Variants in SGCZ observed in about 807,000 individuals in gnomAD.
SGCZ encodes zeta-sarcoglycan.
In SGCZ, 40 loss-of-function variants were observed where a neutral mutation model predicts 41.3. The ratio of observed to expected loss-of-function variants is 0.97; its 90% CI spans 0.75 to 1.26. The LOEUF is 1.26. Ranked by LOEUF, SGCZ falls within the 50% of genes most tolerant of loss-of-function variation. The pLI is 0.00. For synonymous variants in SGCZ, 206 were observed against 137.5 expected, an observed-to-expected ratio of 1.50 and a Z score of -3.49; for missense variants, 552 against 369.8, an observed-to-expected ratio of 1.49 and a Z score of -4.04.
At position 15,229,100 on chromosome 8, in the gene SGCZ, G is replaced by A. The variant is rs538845713; in HGVS notation, c.39+8485C>T. Among the ~76,000 whole-genome samples, 28 of 152,242 alleles carry A rather than the reference G, an allele frequency of 1.8e-4. No homozygotes were observed. In the South Asian group the frequency reaches 3.3e-3, roughly 18 times the overall value. On this transcript the variant is annotated intron_variant, in intron 1 of 7. Coordinates refer to ENST00000382080, the MANE Select transcript of SGCZ (RefSeq NM_139167.4). ...CCAGCTATTCAGGAGGCTGAGGTGG[G>A]AGAATCGCTTGAACCCAGGAGGCAG...
chr8:14,707,227 C>A (rs1165857938), intron 1 of SGCZ, among the ~76,000 whole-genome samples: 1 of 132,954 alleles, frequency 7.5e-6, no homozygotes, highest in African/African-American at 2.7e-5. Flanking sequence ...TGTTCCCCTT[C>A]CTGTGTCCAT....
intron 1 of SGCZ, among the ~76,000 whole-genome samples, chr8:14,730,513 TA>T (rs1810202371): frequency 6.6e-6 from 1 of 152,070 alleles, no homozygotes; most frequent in African/African-American, 2.4e-5. Context: ...TATATTACAA[TA>T]CGTGACAATG....
At chr8:15,030,324 A>G (rs1004774681) in intron 1 of SGCZ, among the ~76,000 whole-genome samples, 4 of 152,174 alleles carry the variant, frequency 2.6e-5, no homozygotes, top group Non-Finnish European at 5.9e-5. Flanking sequence ...AAATCTTTCT[A>G]TTCTAATATG....
At chr8:15,074,664 T>G (rs978106992) in intron 1 of SGCZ, among the ~76,000 whole-genome samples, 6 of 152,122 alleles carry the variant, frequency 3.9e-5, no homozygotes, top group Admixed American at 2.0e-4. Flanking sequence ...TCTGCAGTCA[T>G]AGAGAAATGC....
At chr8:14,205,822 G>T (rs985185451) in intron 4 of SGCZ, among the ~76,000 whole-genome samples, 1 of 152,010 alleles carries the variant, frequency 6.6e-6, no homozygotes, top group Non-Finnish European at 1.5e-5. Flanking sequence ...GATGCACTGA[G>T]ATTTATAGTC....
intron 2 of SGCZ, among the ~76,000 whole-genome samples, chr8:14,338,431 C>T (rs1162721738): frequency 6.6e-6 from 1 of 152,132 alleles, no homozygotes; most frequent in Admixed American, 6.6e-5. Context: ...ACCCAGCTGT[C>T]CCATCTCACC....
chr8:14,427,320 C>T (rs1043243979), intron 2 of SGCZ, among the ~76,000 whole-genome samples: 3 of 151,914 alleles, frequency 2.0e-5, no homozygotes, highest in Non-Finnish European at 4.4e-5. Flanking sequence ...TACACATGTA[C>T]CCCTGAACTT....
intron 2 of SGCZ, among the ~76,000 whole-genome samples, chr8:14,462,063 T>G (rs1430805612): frequency 6.6e-6 from 1 of 152,076 alleles, no homozygotes; most frequent in Admixed American, 6.6e-5. Flanking sequence ...AGCCATACTT[T>G]TATTATCTCC....
At chr8:14,865,542 G>A (rs568280643) in intron 1 of SGCZ, among the ~76,000 whole-genome samples, 1 of 152,216 alleles carries the variant, frequency 6.6e-6, no homozygotes, top group East Asian at 1.9e-4. Flanking sequence ...GTATCTGTTT[G>A]TTCTTGGAAT....
intron 1 of SGCZ, among the ~76,000 whole-genome samples, chr8:14,979,521 G>A (rs1234929630): frequency 6.6e-6 from 1 of 152,144 alleles, no homozygotes; most frequent in African/African-American, 2.4e-5. Context: ...GTTGTTCAGT[G>A]TTGCTTTTTA....
intron 1 of SGCZ, among the ~76,000 whole-genome samples, chr8:15,077,432 G>A (rs1426840582): frequency 2.8e-4 from 42 of 152,224 alleles, no homozygotes; most frequent in Non-Finnish European, 1.5e-5. Context: ...GCAAGAATTA[G>A]ATTAGCAAAA....
intron 1 of SGCZ, among the ~76,000 whole-genome samples, chr8:15,013,370 G>T (rs1480752032): frequency 6.6e-6 from 1 of 152,156 alleles, no homozygotes; most frequent in Admixed American, 6.5e-5. Flanking sequence ...CGTTGAGCAT[G>T]TATTTTATTC....
At chr8:14,439,046 G>T (rs1800170406) in intron 2 of SGCZ, among the ~76,000 whole-genome samples, 1 of 151,968 alleles carries the variant, frequency 6.6e-6, no homozygotes, top group African/African-American at 2.4e-5. Flanking sequence ...TATTACAGAT[G>T]CCAAGTACTA....
intron 1 of SGCZ, among the ~76,000 whole-genome samples, chr8:14,748,612 A>C (rs762150800): frequency 1.5e-4 from 23 of 152,192 alleles, no homozygotes; most frequent in Non-Finnish European, 2.9e-4. Context: ...GGAGCTTTAC[A>C]AAACAGATTT....
In SGCZ at chr8:14,367,603, G is replaced by A. The variant is rs191304760; in HGVS notation, c.235-43399C>T. Among the ~76,000 whole-genome samples the A allele has an allele frequency of 1.1e-4, 16 of 152,182 alleles. No homozygotes were observed. The East Asian group carries it at 2.9e-3, about 28-fold the overall frequency. ...ATAATCATGGCAGAAGGCGAAAGAGGAGGAAAGGTACATCTTCCATGATGG... is the reference window on the plus strand; with the variant it reads ...ATAATCATGGCAGAAGGCGAAAGAGAAGGAAAGGTACATCTTCCATGATGG... On this transcript the variant is annotated intron_variant, in intron 2 of 7. Coordinates refer to ENST00000382080, the MANE Select transcript of SGCZ (RefSeq NM_139167.4).
chr8:14,647,176 G>T (rs1204081788), intron 1 of SGCZ, among the ~76,000 whole-genome samples: 3 of 151,986 alleles, frequency 2.0e-5, no homozygotes, highest in African/African-American at 7.2e-5. Flanking sequence ...TTTTAGTACA[G>T]ATACAACTAA....
At chr8:14,447,573 C>T (rs114525267) in intron 2 of SGCZ, among the ~76,000 whole-genome samples, 1 of 152,254 alleles carries the variant, frequency 6.6e-6, no homozygotes, top group African/African-American at 2.4e-5. Flanking sequence ...TAAAAGCAAT[C>T]AACATTACAA....
chr8:15,092,871 T>C (rs1266190609), intron 1 of SGCZ, among the ~76,000 whole-genome samples: 1 of 152,220 alleles, frequency 6.6e-6, no homozygotes, highest in Non-Finnish European at 1.5e-5. Flanking sequence ...CAGACCCACT[T>C]AAAACTATTT....
intron 2 of SGCZ, among the ~76,000 whole-genome samples, chr8:14,334,736 A>G (rs926436956): frequency 5.3e-5 from 8 of 152,120 alleles, no homozygotes; most frequent in Admixed American, 2.6e-4. Context: ...CCTCCATGAA[A>G]ACGAAGCCAT....
Sources: gnomAD v4.1 joint callset for allele counts (sites outside exome capture counted in the v4.1 genomes callset) on GRCh38, gnomAD v4.1.1 for gene constraint, MANE v1.5 for transcripts, NCBI Gene and HGNC (gene_info 2026-07-23, HGNC 2026-07-21) for gene names.